The following NPAS3 variants were observed in gnomAD, a reference collection of about 807,000 sequenced individuals.
NPAS3 encodes the protein neuronal PAS domain protein 3.
In NPAS3, 14 loss-of-function variants were observed where a neutral mutation model predicts 73.1. The ratio of observed to expected loss-of-function variants is 0.19; its 90% CI spans 0.13 to 0.30. NPAS3 has a LOEUF of 0.30. Among genes scored for constraint, NPAS3 ranks in the 10% least tolerant of loss-of-function variants. The pLI is 1.00. For missense variants in NPAS3, 1,096 were observed against 1,250.0 expected (o/e 0.88, Z 1.86); for synonymous variants, 620 against 541.5 (o/e 1.14, Z -2.01).
chr14:33,584,529 G>T (rs569643717), intron 5 of NPAS3, among the ~76,000 whole-genome samples: 7 of 152,154 alleles, frequency 4.6e-5, no homozygotes, highest in Admixed American at 2.6e-4. Flanking sequence ...GGTGTGGGCA[G>T]TTTAATTCCA....
upstream of NPAS3, among the ~76,000 whole-genome samples, chr14:32,936,767 A>T (rs538765114): frequency 6.6e-5 from 10 of 152,240 alleles, no homozygotes; most frequent in South Asian, 2.1e-3. Flanking sequence ...TACCATAAAG[A>T]TCACCTCAGA....
chr14:33,600,587 A>T (rs190545926), intron 5 of NPAS3, among the ~76,000 whole-genome samples: 3 of 152,272 alleles, frequency 2.0e-5, no homozygotes, highest in East Asian at 1.9e-4. Context: ...TGTACAGATT[A>T]AAAAAACTGG....
chr14:33,321,869 A>G (rs1434495583), intron 3 of NPAS3, among the ~76,000 whole-genome samples: 1 of 152,178 alleles, frequency 6.6e-6, no homozygotes, highest in African/African-American at 2.4e-5. Flanking sequence ...GCAAAAATCA[A>G]CTTTGTTACT....
Position 33,107,483 on chromosome 14 carries a change from C to T in NPAS3, c.140+51489C>T, listed in dbSNP as rs534658601. Among the ~76,000 whole-genome samples the T allele has an allele frequency of 1.7e-3, 256 of 152,172 alleles. 1 individual carries two copies. The highest frequency in any genetic ancestry group is 5.8e-3 in the African/African-American group (240 of 41,512). ...CCACGTATACCCAATGTTTAGCTCC[C>T]ACAGATAATTGAGAATATGCAGTAT... On this transcript the variant is annotated intron_variant, in intron 2 of 11. Coordinates refer to ENST00000356141, the Ensembl canonical transcript of NPAS3.
intron 5 of NPAS3, among the ~76,000 whole-genome samples, chr14:33,619,183 T>C (rs1468034779): frequency 6.6e-6 from 1 of 152,202 alleles, no homozygotes; most frequent in African/African-American, 2.4e-5. Context: ...TCATATCTCA[T>C]ACAAAATTTC....
At chr14:33,298,383 C>T (rs1158025007) in intron 3 of NPAS3, among the ~76,000 whole-genome samples, 1 of 152,132 alleles carries the variant, frequency 6.6e-6, no homozygotes, top group Non-Finnish European at 1.5e-5. Context: ...TTTAGTTTTG[C>T]TTTGCTTTTT....
chr14:33,657,223 C>CT (rs1159408809), intron 5 of NPAS3, among the ~76,000 whole-genome samples: 2 of 152,166 alleles, frequency 1.3e-5, no homozygotes, highest in African/African-American at 4.8e-5. Context: ...TAACAAGCCC[C>CT]TAAAGTTCTG....
chr14:33,055,814 T>C, intron 1 of NPAS3, 91 bp from the exon 2 acceptor site: 2 of 534,120 alleles, frequency 3.7e-6, no homozygotes, highest in Non-Finnish European at 6.8e-6. Flanking sequence ...AAAAGCAAAA[T>C]ATATTGAATT....
At chr14:33,177,636 T>A (rs1257748417) in intron 2 of NPAS3, among the ~76,000 whole-genome samples, 1 of 152,142 alleles carries the variant, frequency 6.6e-6, no homozygotes, top group Non-Finnish European at 1.5e-5. Context: ...CTTTTAAGAA[T>A]TTTATAGTTT....
intron 2 of NPAS3, among the ~76,000 whole-genome samples, chr14:33,062,746 C>G (rs1480351561): frequency 6.6e-6 from 1 of 152,140 alleles, no homozygotes; most frequent in African/African-American, 2.4e-5. Context: ...CAGCGGCGTT[C>G]AAAAATCGCT....
intron 5 of NPAS3, among the ~76,000 whole-genome samples, chr14:33,637,382 T>G (rs919932159): frequency 6.6e-6 from 1 of 152,226 alleles, no homozygotes; most frequent in Non-Finnish European, 1.5e-5. Flanking sequence ...AGAAAGTATA[T>G]ATGAATTTTG....
intron 5 of NPAS3, among the ~76,000 whole-genome samples, chr14:33,600,845 G>A (rs993499067): frequency 6.6e-6 from 1 of 152,198 alleles, no homozygotes; most frequent in Non-Finnish European, 1.5e-5. Context: ...CTCTGAAACA[G>A]CATAGGAAAA....
chr14:33,469,058 C>T (rs921270514), intron 4 of NPAS3, among the ~76,000 whole-genome samples: 2 of 152,136 alleles, frequency 1.3e-5, no homozygotes, highest in East Asian at 1.9e-4. Flanking sequence ...ACAGTATTTC[C>T]ATCCATCTTT....
intron 3 of NPAS3, among the ~76,000 whole-genome samples, chr14:33,363,592 A>G (rs1420937432): frequency 6.6e-6 from 1 of 152,240 alleles, no homozygotes; most frequent in Non-Finnish European, 1.5e-5. Flanking sequence ...TAACCCTTGT[A>G]AAACATGAAA....
chr14:33,192,048 C>G (rs1014655511), intron 2 of NPAS3, among the ~76,000 whole-genome samples: 2 of 152,104 alleles, frequency 1.3e-5, no homozygotes, highest in African/African-American at 4.8e-5. Flanking sequence ...TTCTTCCCAG[C>G]TCACCTGCCA....
chr14:33,251,947 C>A (rs1024107111), intron 3 of NPAS3, among the ~76,000 whole-genome samples: 5 of 151,852 alleles, frequency 3.3e-5, no homozygotes, highest in Non-Finnish European at 5.9e-5. Context: ...CGTTGCAATT[C>A]GTTGTCTACG....
chr14:33,437,864 C>A (rs1213088933), intron 4 of NPAS3, among the ~76,000 whole-genome samples: 1 of 152,162 alleles, frequency 6.6e-6, no homozygotes, highest in African/African-American at 2.4e-5. Context: ...GAGAATTTGC[C>A]AGCCTCTCAC....
At chr14:33,563,480 C>T (rs2030415141) in intron 5 of NPAS3, among the ~76,000 whole-genome samples, 1 of 144,386 alleles carries the variant, frequency 6.9e-6, no homozygotes, top group South Asian at 2.2e-4. Flanking sequence ...TCTGAAGCTC[C>T]TCAACAGTCC....
chr14:33,388,310 G>A (rs777591543), intron 4 of NPAS3, among the ~76,000 whole-genome samples: 1 of 152,176 alleles, frequency 6.6e-6, no homozygotes, highest in Non-Finnish European at 1.5e-5. Context: ...ACACAAAGAA[G>A]TAGAGGGGGT....
Sources: allele counts gnomAD v4.1 joint callset (sites outside exome capture counted in the v4.1 genomes callset), GRCh38; gene constraint gnomAD v4.1.1; transcripts MANE v1.5; gene names NCBI Gene and HGNC (gene_info 2026-07-23, HGNC 2026-07-21).